Variants in TENT2 observed in about 807,000 individuals in gnomAD.
TENT2 encodes terminal nucleotidyltransferase 2.
A neutral mutation model predicts 72.2 loss-of-function variants in TENT2; 44 were observed. The ratio of observed to expected loss-of-function variants is 0.61; its 90% confidence interval spans 0.48 to 0.78. TENT2 has a LOEUF of 0.78. TENT2 is among the 30% of genes least tolerant of loss of function. The pLI, the probability that TENT2 is intolerant of heterozygous loss-of-function variation, is 0.00. For missense variants in TENT2, 541 were observed against 569.6 expected (o/e 0.95, Z 0.51); for synonymous variants, 212 against 192.5 (o/e 1.10, Z -0.84).
chr5:79,670,278 T>C (rs1811927907), intron 12 of TENT2, among the ~76,000 whole-genome samples: 1 of 151,906 alleles, frequency 6.6e-6, no homozygotes, highest in Admixed American at 6.6e-5. Context: ...CACACTTAAC[T>C]GTCATACTGG....
At chr5:79,649,512 C>G (rs548081078) in intron 10 of TENT2, among the ~76,000 whole-genome samples, 1 of 151,856 alleles carries the variant, frequency 6.6e-6, no homozygotes, top group Non-Finnish European at 1.5e-5. Context: ...AAAGTTAGCT[C>G]AAGTACTATT....
At position 79,686,492 on chromosome 5, in the gene TENT2, A is replaced by G. The variant is rs1012218454; in HGVS notation, c.*1219A>G. The G allele has an allele frequency of 1.3e-5, 2 of 152,068 alleles. No homozygotes were observed. Among genetic ancestry groups the G allele is most frequent in the African/African-American group, 2.4e-5 (1 of 41,376 alleles). The allele number at this position is 152,068 out of a possible 1,614,324, so 9.4% of individuals were successfully genotyped here. ...CAACATTTTTTAGACCTGCTGTAGTACAGTTTTGTACCTCTAACGTATTTT... is the reference window on the plus strand; with the variant it reads ...CAACATTTTTTAGACCTGCTGTAGTGCAGTTTTGTACCTCTAACGTATTTT... On this transcript the variant is annotated 3_prime_UTR_variant, in exon 15 of 15. Transcript: ENST00000453514.
intron 11 of TENT2, among the ~76,000 whole-genome samples, chr5:79,665,940 CT>C (rs1807330738): frequency 6.6e-6 from 1 of 150,830 alleles, no homozygotes; most frequent in African/African-American, 2.4e-5. Context: ...AAATACATAA[CT>C]AAAGTGGGGA....
intron 3 of TENT2, among the ~76,000 whole-genome samples, chr5:79,621,968 AG>A (rs1266185096): frequency 6.6e-6 from 1 of 151,980 alleles, no homozygotes; most frequent in Non-Finnish European, 1.5e-5. Flanking sequence ...AGATCTATCA[AG>A]GAGAGAGAAA....
chr5:79,619,584 T>G, intron 1 of TENT2, 28 bp from the exon 2 acceptor site: 1 of 1,472,914 alleles, frequency 6.8e-7, no homozygotes, highest in South Asian at 1.4e-5. Flanking sequence ...CTATGATAAT[T>G]TAATATTGTC....
intron 4 of TENT2, among the ~76,000 whole-genome samples, chr5:79,625,336 C>T (rs149167372): frequency 4.8e-4 from 73 of 152,218 alleles, no homozygotes; most frequent in Non-Finnish European, 9.7e-4. Flanking sequence ...TGAATTTATG[C>T]TCCCATTATG....
intron 3 of TENT2, among the ~76,000 whole-genome samples, chr5:79,622,259 G>A (rs1765697062): frequency 6.6e-6 from 1 of 151,890 alleles, no homozygotes; most frequent in Non-Finnish European, 1.5e-5. Flanking sequence ...CTGAGACTGT[G>A]CCACTGCACT....
intron 7 of TENT2, among the ~76,000 whole-genome samples, chr5:79,644,089 C>T (rs1349007114): frequency 6.6e-6 from 1 of 151,614 alleles, no homozygotes; most frequent in South Asian, 2.1e-4. Flanking sequence ...TTAAGCGATT[C>T]TCATGCCTCA....
In TENT2 at chr5:79,654,528, A is replaced by G. The variant is rs543493536; in HGVS notation, c.1028-2430A>G. Among the ~76,000 whole-genome samples the G allele has an allele frequency of 2.3e-3, 344 of 152,322 alleles. 1 individual carries two copies. The highest frequency in any genetic ancestry group is 8.2e-3 in the African/African-American group (339 of 41,568). On this transcript the variant is annotated intron_variant, in intron 10 of 14. Coordinates refer to ENST00000453514, the MANE Select transcript of TENT2 (RefSeq NM_001114394.3). ...GAATGTTTACCATATTCCTAGGCAT[A>G]CAGAGCTTTCTGGTAGACATTTTAA...
chr5:79,676,719 A>G lies in TENT2; in HGVS notation c.1209-2860A>G, dbSNP rs536875869. 2.1e-4 allele frequency among the ~76,000 whole-genome samples: 32 copies of G among 152,304 alleles called. No homozygotes were observed. The South Asian group carries it at 2.7e-3, about 13-fold the overall frequency. ...TCAGTTTTATATTTAAAAGATGATC[A>G]TGTATTATCAGTGTATTTTAGATTA... is the stretch of plus-strand genomic sequence containing the variant. On this transcript the variant is annotated intron_variant, in intron 12 of 14. Coordinates refer to ENST00000453514, the MANE Select transcript of TENT2 (RefSeq NM_001114394.3).
intron 14 of TENT2, among the ~76,000 whole-genome samples, chr5:79,683,341 AC>A (rs1443049844): frequency 7.0e-6 from 1 of 142,738 alleles, no homozygotes; most frequent in African/African-American, 2.8e-5. Flanking sequence ...ACACACACAC[AC>A]CCCACCTCAC....
At chr5:79,683,315 A>T (rs777586799) in intron 14 of TENT2, among the ~76,000 whole-genome samples, 8 of 88,470 alleles carry the variant, frequency 9.0e-5, no homozygotes, top group Non-Finnish European at 1.3e-4. Flanking sequence ...GCACATGCTC[A>T]CACACACACA....
chr5:79,631,716 A>G (rs1775714378), intron 4 of TENT2, among the ~76,000 whole-genome samples: 1 of 152,228 alleles, frequency 6.6e-6, no homozygotes. Context: ...CTCTGGTCAC[A>G]AATAAATGTT....
intron 8 of TENT2, 38 bp from the exon 9 acceptor site, chr5:79,648,579 G>C (rs1471105679): frequency 7.1e-7 from 1 of 1,401,416 alleles, no homozygotes; most frequent in East Asian, 2.5e-5. Context: ...TTGTTCTTCA[G>C]CTAAAGTTTA....
At chr5:79,658,589 C>T (rs1431167593) in intron 11 of TENT2, among the ~76,000 whole-genome samples, 2 of 152,194 alleles carry the variant, frequency 1.3e-5, no homozygotes, top group Admixed American at 6.5e-5. Flanking sequence ...CCAACCTCAT[C>T]TTGCTTTAAG....
chr5:79,655,543 A>G (rs895732336), intron 10 of TENT2, among the ~76,000 whole-genome samples: 7 of 152,088 alleles, frequency 4.6e-5, no homozygotes, highest in Non-Finnish European at 1.0e-4. Context: ...AGATTTTCCA[A>G]TTTGACTTCT....
chr5:79,634,201 G>A (rs918443500), intron 4 of TENT2, among the ~76,000 whole-genome samples: 1 of 150,870 alleles, frequency 6.6e-6, no homozygotes, highest in African/African-American at 2.4e-5. Flanking sequence ...AGCACTTCAC[G>A]TGTCCTTATG....
At chr5:79,641,437 G>GTT (rs201464334) in intron 6 of TENT2, among the ~76,000 whole-genome samples, 1 of 135,546 alleles carries the variant, frequency 7.4e-6, no homozygotes. Context: ...TTCACTATGT[G>GTT]TTTTTTTTTT....
chr5:79,667,511 T>C (rs889316020), intron 11 of TENT2, among the ~76,000 whole-genome samples: 35 of 152,174 alleles, frequency 2.3e-4, no homozygotes, highest in Non-Finnish European at 3.4e-4. Context: ...CCCTCCACTT[T>C]TAGACATTAA....
Sources: allele counts gnomAD v4.1 joint callset (sites outside exome capture counted in the v4.1 genomes callset), GRCh38; gene constraint gnomAD v4.1.1; transcripts MANE v1.5; gene names NCBI Gene and HGNC (gene_info 2026-07-23, HGNC 2026-07-21).